Variants in TNR observed in about 807,000 individuals in gnomAD.
TNR encodes tenascin-R.
TNR carries 45 observed loss-of-function variants against 150.4 expected under a neutral mutation model. The observed-to-expected ratio is 0.30, with a 90% confidence interval of 0.24 to 0.38. The LOEUF is 0.38. TNR is among the 10% of genes least tolerant of loss of function. The probability of loss-of-function intolerance (pLI) is 1.00; values close to 1 mark genes in which losing one functional copy is unlikely to be tolerated. For synonymous variants in TNR, 687 were observed against 678.4 expected (o/e 1.01, Z -0.20); for missense variants, 1,544 against 1,759.1 (o/e 0.88, Z 2.19).
At chr1:175,531,041 G>A (rs1660048500) in intron 1 of TNR, among the ~76,000 whole-genome samples, 2 of 152,154 alleles carry the variant, frequency 1.3e-5, no homozygotes, top group Admixed American at 1.3e-4. Flanking sequence ...ACTTGTCAGG[G>A]CATGCACCTC....
chr1:175,331,045 CTT>C (rs755343326), intron 20 of TNR, among the ~76,000 whole-genome samples: 1 of 89,328 alleles, frequency 1.1e-5, no homozygotes, highest in Non-Finnish European at 2.3e-5. Context: ...TTCTTTCTTT[CTT>C]TCTTTCTTTC....
chr1:175,494,037 C>G (rs1232188556), intron 2 of TNR, among the ~76,000 whole-genome samples: 1 of 152,198 alleles, frequency 6.6e-6, no homozygotes, highest in African/African-American at 2.4e-5. Flanking sequence ...TTCCTCCCGC[C>G]TCTGACTCTA....
chr1:175,550,580 G>A (rs534702394), intron 1 of TNR, among the ~76,000 whole-genome samples: 3 of 150,580 alleles, frequency 2.0e-5, no homozygotes, highest in South Asian at 4.2e-4. Context: ...AGCTGATAAT[G>A]CTTCTCCCTA....
intron 1 of TNR, among the ~76,000 whole-genome samples, chr1:175,558,492 C>T (rs1047272791): frequency 6.6e-6 from 1 of 152,076 alleles, no homozygotes; most frequent in Non-Finnish European, 1.5e-5. Flanking sequence ...AGCAACTTTT[C>T]CAAAATGAGT....
intron 1 of TNR, among the ~76,000 whole-genome samples, chr1:175,591,274 G>A (rs927861659): frequency 6.6e-6 from 1 of 152,128 alleles, no homozygotes; most frequent in Non-Finnish European, 1.5e-5. Flanking sequence ...CTGTGTCCCT[G>A]GGACATAATC....
intron 2 of TNR, among the ~76,000 whole-genome samples, chr1:175,505,507 T>A (rs72725433): frequency 0.026 from 3,944 of 152,212 alleles, 85 homozygotes; most frequent in Middle Eastern, 0.048. Flanking sequence ...GCCAGAGACG[T>A]CAGAGTAGCG....
rs537286285 is a variant in TNR, at chr1:175,730,325, G to C, written c.-165+12901C>G. On this transcript the variant is annotated intron_variant, in intron 1 of 22. Coordinates refer to ENST00000367674, the MANE Select transcript of TNR (RefSeq NM_003285.3). The stretch of plus-strand genomic sequence containing the variant: ...TTTGTGGAACTTAATAAGATACCCT[G>C]AGCAGAATGAGTCACCCTTCCCTTG... 4.6e-5 allele frequency among the ~76,000 whole-genome samples: 7 copies of C among 152,246 alleles called. No homozygotes were observed. The East Asian group carries it at 1.4e-3, about 29-fold the overall frequency.
intron 2 of TNR, among the ~76,000 whole-genome samples, chr1:175,524,263 C>T (rs552884070): frequency 6.6e-6 from 1 of 151,882 alleles, no homozygotes; most frequent in Admixed American, 6.6e-5. Context: ...GCATGTCTGC[C>T]GAATTATGTT....
intron 2 of TNR, among the ~76,000 whole-genome samples, chr1:175,414,359 G>A (rs1037663393): frequency 3.3e-5 from 5 of 152,028 alleles, no homozygotes; most frequent in African/African-American, 4.8e-5. Context: ...TAAGAGTTTC[G>A]CAGGTGGACT....
intron 1 of TNR, among the ~76,000 whole-genome samples, chr1:175,719,244 G>GGCT (rs1487929223): frequency 4.6e-5 from 7 of 152,170 alleles, no homozygotes. Flanking sequence ...CCACCTCTTG[G>GGCT]GCTGCACACA....
intron 2 of TNR, among the ~76,000 whole-genome samples, chr1:175,482,530 A>G (rs979115373): frequency 5.3e-5 from 8 of 152,238 alleles, no homozygotes; most frequent in African/African-American, 1.9e-4. Context: ...ATGCTACCAC[A>G]GGCCAAAGAG....
Position 175,324,491 on chromosome 1 carries a change from G to A in TNR, c.3822C>T (p.Arg1274=), listed in dbSNP as rs764571318. ...AGDSLSYHQG[R]PFSTEDRDND... is the part of the protein sequence containing the mutation. ...TGTCTCTATCCTCTGTGGAGAAAGG[G>A]CGTCCTTGATGATAGCTGAGGGAGT... The change falls in exon 22 of 23, where the codon CGC becomes CGT. Residue 1274 remains arginine (R), a synonymous_variant. Transcript: ENST00000367674. The A allele has an allele frequency of 1.4e-5, 23 of 1,613,916 alleles. No homozygotes were observed. The highest frequency in any genetic ancestry group is 1.9e-5 in the Non-Finnish European group (23 of 1,179,948).
At chr1:175,703,888 T>C (rs534732294) in intron 1 of TNR, among the ~76,000 whole-genome samples, 111 of 152,334 alleles carry the variant, frequency 7.3e-4, no homozygotes, top group African/African-American at 2.6e-3. Context: ...CTTGCCAATG[T>C]AGGCCCCAAG....
At chr1:175,370,922 C>G (rs2282729) in intron 9 of TNR, among the ~76,000 whole-genome samples, 100,619 of 152,048 alleles carry the variant, frequency 0.66, 33,780 homozygotes, top group East Asian at 0.81. Flanking sequence ...AATGTGTTCT[C>G]TTCCCAGGTT....
At chr1:175,424,413 G>A (rs1266447964) in intron 2 of TNR, among the ~76,000 whole-genome samples, 1 of 152,254 alleles carries the variant, frequency 6.6e-6, no homozygotes, top group Non-Finnish European at 1.5e-5. Flanking sequence ...ACACATCTCT[G>A]TCAGTGGAGG....
At chr1:175,735,120 C>T (rs1667738563) in intron 1 of TNR, among the ~76,000 whole-genome samples, 1 of 152,224 alleles carries the variant, frequency 6.6e-6, no homozygotes, top group Admixed American at 6.5e-5. Context: ...TGGCTCTGGC[C>T]TCTGCCCTTT....
chr1:175,463,250 T>G (rs1175573977), intron 2 of TNR, among the ~76,000 whole-genome samples: 3 of 152,160 alleles, frequency 2.0e-5, no homozygotes, highest in African/African-American at 7.2e-5. Flanking sequence ...CAGCAGGAGC[T>G]CCTGATTCCG....
intron 2 of TNR, among the ~76,000 whole-genome samples, chr1:175,491,804 C>A (rs1658267750): frequency 6.6e-6 from 1 of 152,054 alleles, no homozygotes; most frequent in African/African-American, 2.4e-5. Context: ...CACCCACCAC[C>A]ACACCCGGCT....
At chr1:175,472,470 C>A (rs780494997) in intron 2 of TNR, among the ~76,000 whole-genome samples, 3 of 152,140 alleles carry the variant, frequency 2.0e-5, no homozygotes, top group Non-Finnish European at 4.4e-5. Flanking sequence ...TACATAATTG[C>A]ATGTGTTAGA....
Sources: gnomAD v4.1 joint callset for allele counts (sites outside exome capture counted in the v4.1 genomes callset) on GRCh38, gnomAD v4.1.1 for gene constraint, MANE v1.5 for transcripts, NCBI Gene and HGNC (gene_info 2026-07-23, HGNC 2026-07-21) for gene names.